The following ZNF160 variants were observed in gnomAD, a reference collection of about 807,000 sequenced individuals.
The protein encoded by ZNF160 is zinc finger protein 160, also known as KRAB zinc finger protein KR18.
In ZNF160, 9 loss-of-function variants were observed where a neutral mutation model predicts 13.1. The ratio of observed to expected loss-of-function variants is 0.69; its 90% CI spans 0.41 to 1.20. The LOEUF is 1.20. Among genes scored for constraint, ZNF160 ranks in the 50% most tolerant of loss-of-function variants. The pLI is 0.01. For missense variants in ZNF160, 838 were observed against 988.0 expected (o/e 0.85, Z 2.04); for synonymous variants, 293 against 333.2 (o/e 0.88, Z 1.31).
At chr19:53,100,664 C>T (rs16984443) in intron 1 of ZNF160, among the ~76,000 whole-genome samples, 24,354 of 151,254 alleles carry the variant, frequency 0.16, 2,252 homozygotes, top group African/African-American at 0.24. Context: ...AAAAGCGTCA[C>T]TGATATCTTT....
chr19:53,068,919 A>G lies in ZNF160; in HGVS notation c.1615T>C (p.Cys539Arg). 1 of 1,613,960 alleles carries G rather than the reference A, an allele frequency of 6.2e-7. No individual in the cohort carries two copies. The highest frequency in any genetic ancestry group is 8.5e-7 in the Non-Finnish European group (1 of 1,179,978). ...AIHSGEKPYK[C>R]IECGKSFTQK... The stretch of plus-strand genomic sequence containing the variant: ...GTGAAGCTCTTGCCACATTCAATAC[A>G]TTTGTAAGGTTTCTCTCCAGAATGG... The change falls in exon 6 of 6, where the codon TGT (cysteine) becomes CGT (arginine). Residue 539 changes from cysteine to arginine, a missense_variant. Around this residue, in one of 3 missense-constraint regions of ZNF160, gnomAD observed 400 missense variants for 538.9 expected, o/e 0.74. Transcript: ENST00000683776.
At chr19:53,083,233 C>T (rs111384289) in intron 3 of ZNF160, among the ~76,000 whole-genome samples, 11 of 152,168 alleles carry the variant, frequency 7.2e-5, no homozygotes, top group South Asian at 2.1e-4. Flanking sequence ...GCCTCTCCCC[C>T]TCCCTGGTAG....
chr19:53,070,381 A>C, intron 5 of ZNF160, 119 bp from the exon 6 acceptor site: 1 of 1,061,968 alleles, frequency 9.4e-7, no homozygotes, highest in Non-Finnish European at 1.3e-6. Context: ...TTGGAACTTC[A>C]GAACTGTGAA....
chr19:53,077,092 G>A (rs549791214), intron 3 of ZNF160: 6 of 152,330 alleles, frequency 3.9e-5, no homozygotes, highest in Admixed American at 1.3e-4. Context: ...TTGTAGTAAC[G>A]TACGCAGACA....
chr19:53,094,677 T>A (rs1487617544), intron 1 of ZNF160, among the ~76,000 whole-genome samples: 1 of 152,204 alleles, frequency 6.6e-6, no homozygotes, highest in African/African-American at 2.4e-5. Context: ...CTTAAATTGT[T>A]TGAAATGTTG....
rs1346532524 is a variant in ZNF160 at position 53,068,675 on chromosome 19, G to A, written c.1859C>T (p.Pro620Leu). The A allele has an allele frequency of 9.3e-6, 15 of 1,614,020 alleles. 1 individual carries two copies. Among genetic ancestry groups the A allele is most frequent in the African/African-American group, 5.3e-5 (4 of 74,916 alleles). ...CTTGCCGCATTCATGACATTTGTAA[G>A]GTTTCTCTCCAGTATGTATTGCCTG... ...FHQAIHTGEK[P>L]YKCHECGKVF... The change falls in exon 6 of 6, where the codon CCT becomes CTT. Residue 620 changes from proline to leucine, a missense_variant. Physicochemically the swap from Pro to Leu is moderately conservative, Grantham distance 98. This residue lies in a region of ZNF160 where 400 missense variants were observed against 538.9 expected (regional missense o/e 0.74). Coordinates refer to ENST00000683776, the MANE Select transcript of ZNF160 (RefSeq NM_001322131.2).
rs1445035946 is a variant in ZNF160 at position 53,069,373 on chromosome 19, A to G, written c.1161T>C (p.His387=). ...GTTTCTCTCCAGTGTGAATTCTCCA[A>G]TGACTTATAAGGTGTGAATTTTGAG... ...LFTQNSHLIS[H]WRIHTGEKPY... Residue 387 remains histidine, a synonymous_variant, in exon 6 of 6, where the codon CAT becomes CAC. Transcript: ENST00000683776. This position sits in a 1 kb window ranked among gnomAD's most constrained non-coding sequence, Gnocchi z 4.4. 6.2e-7 allele frequency: 1 copy of G among 1,614,064 alleles called. No homozygotes were observed. Among genetic ancestry groups the G allele is most frequent in the Non-Finnish European group, 8.5e-7 (1 of 1,179,962 alleles).
chr19:53,101,423 A>AACAT (rs145552001), intron 1 of ZNF160, among the ~76,000 whole-genome samples: 1 of 149,086 alleles, frequency 6.7e-6, no homozygotes, highest in Non-Finnish European at 1.5e-5. Flanking sequence ...CCATTTTGAA[A>AACAT]ATATATATAT....
At chr19:53,100,781 A>G (rs28701520) in intron 1 of ZNF160, among the ~76,000 whole-genome samples, 24,276 of 151,578 alleles carry the variant, frequency 0.16, 2,209 homozygotes, top group African/African-American at 0.23. Context: ...TCAGGAGTTT[A>G]AGACCAGCCT....
At chr19:53,091,321 T>A (rs2085027314) in intron 2 of ZNF160, 92 bp downstream of exon 2, 1 of 152,204 alleles carries the variant, frequency 6.6e-6, no homozygotes, top group Non-Finnish European at 1.5e-5. Context: ...CACTCATATA[T>A]ACACATATGT....
intron 5 of ZNF160, among the ~76,000 whole-genome samples, chr19:53,072,382 G>A (rs751209189): frequency 3.9e-5 from 6 of 152,178 alleles, no homozygotes; most frequent in Non-Finnish European, 8.8e-5. Flanking sequence ...TTATAGGCGT[G>A]AGCCTCTATA....
At chr19:53,075,595 A>G (rs2084357508) in intron 3 of ZNF160, 1 of 366,706 alleles carries the variant, frequency 2.7e-6, no homozygotes, top group Non-Finnish European at 5.4e-6. Context: ...AGGCCTCCAT[A>G]ATGGGGCCTC....
intron 1 of ZNF160, among the ~76,000 whole-genome samples, chr19:53,093,369 G>T (rs774095279): frequency 2.0e-5 from 3 of 152,220 alleles, no homozygotes; most frequent in Non-Finnish European, 4.4e-5. Flanking sequence ...AACCTGGGAG[G>T]CAGAGGCTGC....
Position 53,086,266 on chromosome 19 carries a change from G to C in ZNF160, c.11C>G (p.Thr4Ser), listed in dbSNP as rs1284713562. 6.3e-7 allele frequency: 1 copy of C among 1,591,094 alleles called. No homozygotes were observed. Reference sequence around the variant, plus strand: ...CCACCAGGAGTATCACTTTACCTGAGTAAGGGCCATCCCTGACTCCTTTTC... The same window carrying C: ...CCACCAGGAGTATCACTTTACCTGACTAAGGGCCATCCCTGACTCCTTTTC... Reference protein sequence around the residue: MALTQVRLTFRDVA... With the variant: MALSQVRLTFRDVA... The change falls in exon 3 of 6, where the codon ACT becomes AGT. Residue 4 changes from threonine (T) to serine (S), a missense_variant. Physicochemically the swap from Thr to Ser is moderately conservative, Grantham distance 58. Transcript: ENST00000683776.
intron 4 of ZNF160, 36 bp from the exon 5 acceptor site, chr19:53,074,304 G>A (rs1399320827): frequency 1.2e-6 from 2 of 1,609,580 alleles, no homozygotes; most frequent in South Asian, 1.1e-5. Context: ...ATGTGCCGGG[G>A]CTTTTCCAGA....
chr19:53,076,310 A>T (rs77161457), intron 3 of ZNF160, among the ~76,000 whole-genome samples: 11,108 of 152,304 alleles, frequency 0.073, 450 homozygotes, highest in Middle Eastern at 0.19. Flanking sequence ...ATATTCAATA[A>T]CTACATGAAC....
At position 53,079,933 on chromosome 19, in the gene ZNF160, C is replaced by T. The variant is rs75672040; in HGVS notation, c.16-4750G>A. Among the ~76,000 whole-genome samples, 1,201 of 151,854 alleles carry T rather than the reference C, an allele frequency of 7.9e-3. 14 individuals carry two copies. Among genetic ancestry groups the T allele is most frequent in the African/African-American group, 0.027 (1,131 of 41,376 alleles). The stretch of plus-strand genomic sequence containing the variant: ...AGACTCTGTCTCTATTTTTTAGCAA[C>T]GACAACAAAAACAACAAACGAAAAG... On this transcript the variant is annotated intron_variant, in intron 3 of 5. Coordinates refer to ENST00000683776, the MANE Select transcript of ZNF160 (RefSeq NM_001322131.2).
intron 1 of ZNF160, among the ~76,000 whole-genome samples, chr19:53,092,225 C>A (rs757373139): frequency 2.6e-5 from 4 of 152,068 alleles, no homozygotes; most frequent in Non-Finnish European, 5.9e-5. Flanking sequence ...GAAAAAAAGC[C>A]TGTAAAATCA....
intron 4 of ZNF160, 80 bp downstream of exon 4, chr19:53,074,977 G>T: frequency 6.3e-7 from 1 of 1,592,328 alleles, no homozygotes; most frequent in Middle Eastern, 1.7e-4. Flanking sequence ...AGCAATGCAG[G>T]GGCTCTCCAG....
Sources: gnomAD v4.1 joint callset for allele counts (sites outside exome capture counted in the v4.1 genomes callset) on GRCh38, gnomAD v4.1.1 for gene constraint, gnomAD v4.1.1 regional missense constraint, Gnocchi (gnomAD v3.1) non-coding constraint, MANE v1.5 for transcripts, NCBI Gene and HGNC (gene_info 2026-07-23, HGNC 2026-07-21) for gene names.